The following ADCY2 variants were observed in gnomAD, a reference collection of about 807,000 sequenced individuals.
ADCY2 encodes the protein adenylate cyclase 2, also known as adenylate cyclase type 2.
In ADCY2, 31 loss-of-function variants were observed where a neutral mutation model predicts 125.2. That is an observed-to-expected ratio of 0.25 (90% CI 0.19 to 0.33). The LOEUF (loss-of-function observed/expected upper bound fraction) is 0.33. ADCY2 is among the 10% of genes least tolerant of loss of function. ADCY2 has a pLI of 1.00. For synonymous variants in ADCY2, 512 were observed against 548.4 expected (o/e 0.93, Z 0.93); for missense variants, 904 against 1,418.2 (o/e 0.64, Z 5.82).
chr5:7,558,029 T>C (rs756912429), intron 3 of ADCY2, among the ~76,000 whole-genome samples: 3 of 151,006 alleles, frequency 2.0e-5, no homozygotes, highest in Non-Finnish European at 3.0e-5. Flanking sequence ...CAGCATCTGT[T>C]GTTTTGTTTT....
At chr5:7,428,769 T>G (rs1467133725) in intron 2 of ADCY2, among the ~76,000 whole-genome samples, 1 of 152,164 alleles carries the variant, frequency 6.6e-6, no homozygotes, top group Non-Finnish European at 1.5e-5. Context: ...AAACAATGGC[T>G]TTAAGACATG....
At chr5:7,563,170 T>C (rs1465470482) in intron 3 of ADCY2, among the ~76,000 whole-genome samples, 1 of 152,218 alleles carries the variant, frequency 6.6e-6, no homozygotes, top group Admixed American at 6.5e-5. Context: ...GCAGGTTACA[T>C]GGTTTTAATG....
intron 2 of ADCY2, among the ~76,000 whole-genome samples, chr5:7,458,436 G>C (rs1339000659): frequency 6.6e-6 from 1 of 152,130 alleles, no homozygotes; most frequent in Non-Finnish European, 1.5e-5. Context: ...ATCATGATCA[G>C]ATATATTTAA....
At chr5:7,469,339 C>T (rs1742246359) in intron 2 of ADCY2, among the ~76,000 whole-genome samples, 1 of 151,842 alleles carries the variant, frequency 6.6e-6, no homozygotes. Flanking sequence ...TTTATTTATA[C>T]TATATGGTTA....
At chr5:7,481,052 C>G (rs963633409) in intron 2 of ADCY2, among the ~76,000 whole-genome samples, 2 of 152,054 alleles carry the variant, frequency 1.3e-5, no homozygotes, top group Non-Finnish European at 2.9e-5. Context: ...TTTTGAGGAC[C>G]CTTTATGCTG....
chr5:7,640,378 G>A (rs1738657805), intron 4 of ADCY2, among the ~76,000 whole-genome samples: 1 of 152,110 alleles, frequency 6.6e-6, no homozygotes, highest in Admixed American at 6.6e-5. Context: ...ATATGAGTGG[G>A]CCTCTTGAAA....
intron 1 of ADCY2, among the ~76,000 whole-genome samples, chr5:7,398,786 G>C (rs988541483): frequency 6.6e-6 from 1 of 152,228 alleles, no homozygotes; most frequent in Non-Finnish European, 1.5e-5. Context: ...GGAGAAATGT[G>C]CCCTGTGTTC....
chr5:7,530,375 A>T (rs137971065), intron 3 of ADCY2, among the ~76,000 whole-genome samples: 1 of 152,334 alleles, frequency 6.6e-6, no homozygotes, highest in Non-Finnish European at 1.5e-5. Context: ...ATACATGTGT[A>T]AGACTGTCAG....
In ADCY2 at chr5:7,520,126, A is replaced by G. The variant is rs566595723; in HGVS notation, c.409-612A>G. On this transcript the variant is annotated intron_variant, in intron 2 of 24. Coordinates refer to ENST00000338316, the MANE Select transcript of ADCY2 (RefSeq NM_020546.3). ...GATGTTATGAAATGGGTGTACATTT[A>G]TCTGTTTCAGTACGTGTTTTCAATT... Among the ~76,000 whole-genome samples, 3 of 152,316 alleles carry G rather than the reference A, an allele frequency of 2.0e-5. No homozygotes were observed. The South Asian group carries it at 6.2e-4, about 32-fold the overall frequency.
chr5:7,575,251 G>A (rs971033750), intron 3 of ADCY2, among the ~76,000 whole-genome samples: 4 of 152,042 alleles, frequency 2.6e-5, no homozygotes, highest in African/African-American at 9.7e-5. Context: ...ATTGAAATAA[G>A]ATCAATTATT....
intron 4 of ADCY2, among the ~76,000 whole-genome samples, chr5:7,648,284 C>A (rs1449600234): frequency 6.6e-6 from 1 of 152,180 alleles, no homozygotes; most frequent in Non-Finnish European, 1.5e-5. Flanking sequence ...ACATTACTCA[C>A]ATCCTAGCTA....
intron 15 of ADCY2, among the ~76,000 whole-genome samples, chr5:7,745,659 A>T (rs1331577365): frequency 6.6e-6 from 1 of 152,158 alleles, no homozygotes; most frequent in Non-Finnish European, 1.5e-5. Context: ...TGCCCCCACA[A>T]ATCTCCTGAA....
At chr5:7,522,403 G>A (rs1744476370) in intron 3 of ADCY2, 1 of 152,002 alleles carries the variant, frequency 6.6e-6, no homozygotes, top group South Asian at 2.1e-4. Context: ...AGCCTTGCCT[G>A]GGATGAAGTG....
intron 2 of ADCY2, among the ~76,000 whole-genome samples, chr5:7,469,277 G>T (rs1177840144): frequency 6.7e-6 from 1 of 150,124 alleles, no homozygotes; most frequent in East Asian, 1.9e-4. Flanking sequence ...TACAATATGT[G>T]TGACTATATG....
At chr5:7,538,522 A>G (rs1234931990) in intron 3 of ADCY2, among the ~76,000 whole-genome samples, 7 of 152,142 alleles carry the variant, frequency 4.6e-5, no homozygotes, top group African/African-American at 1.4e-4. Context: ...TAACACACAC[A>G]TTATCAGCCT....
At chr5:7,664,434 C>G (rs1031994227) in intron 4 of ADCY2, among the ~76,000 whole-genome samples, 1 of 152,200 alleles carries the variant, frequency 6.6e-6, no homozygotes, top group African/African-American at 2.4e-5. Context: ...GAGACACTCC[C>G]TGCTGGGGAG....
At chr5:7,674,042 C>T (rs555954262) in intron 4 of ADCY2, among the ~76,000 whole-genome samples, 4 of 148,944 alleles carry the variant, frequency 2.7e-5, no homozygotes, top group African/African-American at 1.0e-4. Flanking sequence ...TTTAGCCGCC[C>T]GCTGGCAGGG....
intron 3 of ADCY2, among the ~76,000 whole-genome samples, chr5:7,528,425 A>G (rs1734542707): frequency 1.4e-5 from 2 of 144,162 alleles, no homozygotes; most frequent in Middle Eastern, 3.6e-3. Flanking sequence ...CTGTAATGGT[A>G]GAATGAGACC....
chr5:7,552,207 G>C (rs1199353430), intron 3 of ADCY2, among the ~76,000 whole-genome samples: 1 of 152,098 alleles, frequency 6.6e-6, no homozygotes, highest in Non-Finnish European at 1.5e-5. Context: ...CTGAAGTACT[G>C]GGATAAACCT....
Sources: gnomAD v4.1 joint callset for allele counts (sites outside exome capture counted in the v4.1 genomes callset) on GRCh38, gnomAD v4.1.1 for gene constraint, MANE v1.5 for transcripts, NCBI Gene and HGNC (gene_info 2026-07-23, HGNC 2026-07-21) for gene names.